The following PPP1R12C variants were observed in gnomAD, a reference collection of about 807,000 sequenced individuals.
PPP1R12C encodes the protein leukocyte receptor cluster (LRC) encoded novel gene 3.
PPP1R12C carries 48 observed loss-of-function variants against 95.6 expected under a neutral mutation model. That is an observed-to-expected ratio of 0.50 (90% CI 0.40 to 0.64). PPP1R12C has a LOEUF of 0.64. Ranked by LOEUF, PPP1R12C falls within the 30% of genes least tolerant of loss-of-function variation. The pLI is 0.00. For missense variants in PPP1R12C, 1,057 were observed against 1,083.3 expected (o/e 0.98, Z 0.34); for synonymous variants, 480 against 460.8 (o/e 1.04, Z -0.53).
At chr19:55,116,501 G>A (rs1007623525) in intron 1 of PPP1R12C, among the ~76,000 whole-genome samples, 3 of 152,020 alleles carry the variant, frequency 2.0e-5, no homozygotes, top group Non-Finnish European at 4.4e-5. Flanking sequence ...CCGTAGAGGT[G>A]ACCCAGGCCA....
At chr19:55,101,396 C>G (rs1320156845) in intron 4 of PPP1R12C, among the ~76,000 whole-genome samples, 2 of 152,228 alleles carry the variant, frequency 1.3e-5, no homozygotes, top group Non-Finnish European at 2.9e-5. Context: ...TCTCCCTCTA[C>G]TAACAGTACC....
At chr19:55,099,779 C>A (rs1180065772) in intron 4 of PPP1R12C, among the ~76,000 whole-genome samples, 1 of 152,206 alleles carries the variant, frequency 6.6e-6, no homozygotes, top group Non-Finnish European at 1.5e-5. Context: ...AAAACAATAA[C>A]CACCTTAAAC....
rs758330702 is a variant in PPP1R12C at position 55,112,709 on chromosome 19, C to T, written c.408G>A (p.Thr136=). Reference sequence around the variant, plus strand: ...CACAGGAGGCGGCCACGTGCAGTGGCGTCCAGCCCTCGTTGTCTGCCTGGT... The same window carrying T: ...CACAGGAGGCGGCCACGTGCAGTGGTGTCCAGCCCTCGTTGTCTGCCTGGT... ...TVNQADNEGW[T]PLHVAASCGY... Residue 136 remains threonine, a synonymous_variant, in exon 2 of 22, where the codon ACG becomes ACA. Coordinates refer to ENST00000263433, the MANE Select transcript of PPP1R12C (RefSeq NM_017607.4). The T allele has an allele frequency of 8.7e-6, 14 of 1,613,750 alleles. No individual in the cohort carries two copies. The highest frequency in any genetic ancestry group is 1.7e-5 in the Admixed American group (1 of 59,998).
Position 55,117,487 on chromosome 19 carries a change from C to T in PPP1R12C, c.57G>A (p.Arg19=). The change falls in exon 1 of 22, where the codon CGG becomes CGA. Residue 19 remains arginine, a synonymous_variant. Transcript: ENST00000263433. Reference sequence around the variant, plus strand: ...GCCGCAGCTGCTCCCGTCGCCGCTCCCGGGCAGCCGCCGCCGCCGCCCCCG... The same window carrying T: ...GCCGCAGCTGCTCCCGTCGCCGCTCTCGGGCAGCCGCCGCCGCCGCCCCCG... ...AGPGAAAAAA[R]ERRREQLRQW... 1 of 1,025,286 alleles carries T rather than the reference C, an allele frequency of 9.8e-7. No homozygotes were observed. The highest frequency in any genetic ancestry group is 1.2e-6 in the Non-Finnish European group (1 of 856,930). The allele number at this position is 1,025,286 out of a possible 1,614,324, so 63.5% of individuals were successfully genotyped here. A position where few individuals can be genotyped will look rare whatever the true frequency, so the allele number is the denominator to read the frequency against.
At chr19:55,110,168 C>A (rs568461158) in intron 3 of PPP1R12C, among the ~76,000 whole-genome samples, 1 of 152,300 alleles carries the variant, frequency 6.6e-6, no homozygotes, top group Admixed American at 6.5e-5. Context: ...GAGGACTGAT[C>A]CAGACAGAGG....
chr19:55,117,265 C>T lies in PPP1R12C; in HGVS notation c.279G>A (p.Val93=). The T allele has an allele frequency of 4.9e-6, 6 of 1,226,900 alleles. No individual in the cohort carries two copies. The highest frequency in any genetic ancestry group is 6.1e-6 in the Non-Finnish European group (6 of 986,134). 76.0% of individuals were successfully genotyped at this position (1,226,900 alleles called of 1,614,324 possible). The stretch of plus-strand genomic sequence containing the variant: ...TACCGTCGGCGTTGGTGGAGTCCAG[C>T]ACGGCGCGGGCGGGCGGCGGCGCGG... ...DPAAPPPARA[V]LDSTNADGIS... Residue 93 remains valine, a synonymous_variant, in exon 1 of 22, where the codon GTG becomes GTA. Transcript: ENST00000263433.
At chr19:55,108,081 G>C (rs2085057942) in intron 3 of PPP1R12C, among the ~76,000 whole-genome samples, 1 of 151,594 alleles carries the variant, frequency 6.6e-6, no homozygotes, top group South Asian at 2.1e-4. Flanking sequence ...GACTATAGGT[G>C]TACATCGCTA....
intron 1 of PPP1R12C, among the ~76,000 whole-genome samples, chr19:55,116,319 A>G (rs1468745885): frequency 6.6e-6 from 1 of 152,100 alleles, no homozygotes; most frequent in Non-Finnish European, 1.5e-5. Flanking sequence ...AGATGCCCGG[A>G]GAGGACCCAG....
At chr19:55,095,088 G>A (rs73935103) in intron 11 of PPP1R12C, 3 of 708,786 alleles carry the variant, frequency 4.2e-6, no homozygotes, top group East Asian at 5.4e-5. Context: ...ACCTCGGGGT[G>A]GGGGGAAGAT....
chr19:55,104,179 A>AAAATAT (rs34744793), intron 3 of PPP1R12C, among the ~76,000 whole-genome samples: 1 of 104,368 alleles, frequency 9.6e-6, no homozygotes, highest in African/African-American at 3.8e-5. Context: ...AAAAAAAAAA[A>AAAATAT]GTATATATAT....
At chr19:55,094,969 C>T (rs545737805) in intron 11 of PPP1R12C, 171 bp from the exon 12 acceptor site, 4 of 803,296 alleles carry the variant, frequency 5.0e-6, no homozygotes, top group Admixed American at 4.6e-5. Flanking sequence ...ACTACGCAAC[C>T]GGTCAGAAGG....
At chr19:55,098,397 G>C (rs2084945651) in intron 6 of PPP1R12C, among the ~76,000 whole-genome samples, 1 of 152,228 alleles carries the variant, frequency 6.6e-6, no homozygotes, top group African/African-American at 2.4e-5. Flanking sequence ...TCCCAGCAAG[G>C]CTGCCCCGGG....
chr19:55,106,566 G>C (rs558179964), intron 3 of PPP1R12C, among the ~76,000 whole-genome samples: 1 of 152,306 alleles, frequency 6.6e-6, no homozygotes, highest in Non-Finnish European at 1.5e-5. Flanking sequence ...AATTCCAAGT[G>C]AGCTGGCTTC....
At chr19:55,105,991 T>A (rs535993099) in intron 3 of PPP1R12C, among the ~76,000 whole-genome samples, 1 of 151,958 alleles carries the variant, frequency 6.6e-6, no homozygotes, top group Non-Finnish European at 1.5e-5. Flanking sequence ...GCCAGCCCCT[T>A]GCACCCAGCA....
chr19:55,096,769 G>C lies in PPP1R12C; in HGVS notation c.952-434C>G, dbSNP rs193025346. On this transcript the variant is annotated intron_variant, in intron 6 of 21. Transcript: ENST00000263433. ...CACACCTTCCCCGCAGTTCACCACC[G>C]TCTTCGCCCCTTCCCCGCGCAGTTC... is the stretch of plus-strand genomic sequence containing the variant. 1.5e-3 allele frequency: 351 copies of C among 233,014 alleles called. 1 individual carries two copies. The highest frequency in any genetic ancestry group is 0.01 in the African/African-American group (336 of 32,922). The allele number at this position is 233,014 out of a possible 1,614,324, so 14.4% of individuals were successfully genotyped here.
chr19:55,091,798 C>T, intron 20 of PPP1R12C, 61 bp downstream of exon 20: 1 of 1,611,488 alleles, frequency 6.2e-7, no homozygotes, highest in East Asian at 2.2e-5. Context: ...TCCCTTGGTC[C>T]AAACTTAGGG....
intron 16 of PPP1R12C, 49 bp downstream of exon 16, chr19:55,092,734 C>T (rs1483932435): frequency 6.5e-7 from 1 of 1,531,042 alleles, no homozygotes; most frequent in Non-Finnish European, 8.8e-7. Flanking sequence ...GCTTTGCCCG[C>T]CCCCCGGCCC....
At chr19:55,091,947 A>C (rs765633067) in intron 19 of PPP1R12C, 38 bp from the exon 20 acceptor site, 384 of 1,609,778 alleles carry the variant, frequency 2.4e-4, no homozygotes, top group East Asian at 1.4e-3. Context: ...TCAGCAGAAG[A>C]AGCCAGCACT....
intron 1 of PPP1R12C, chr19:55,113,712 AG>A: frequency 1.4e-6 from 1 of 737,904 alleles, no homozygotes; most frequent in African/African-American, 1.8e-5. Flanking sequence ...GGGAGCTACG[AG>A]GGCCAAGAGC....
Sources: allele counts gnomAD v4.1 joint callset (sites outside exome capture counted in the v4.1 genomes callset), GRCh38; gene constraint gnomAD v4.1.1; transcripts MANE v1.5; gene names NCBI Gene and HGNC (gene_info 2026-07-23, HGNC 2026-07-21).